ZNRF1: variants seen among roughly 807,000 people sequenced by gnomAD.
ZNRF1 encodes the protein E3 ubiquitin-protein ligase ZNRF1.
ZNRF1 carries 3 observed loss-of-function variants against 18.4 expected under a neutral mutation model. The ratio of observed to expected loss-of-function variants is 0.16; its 90% confidence interval spans 0.07 to 0.42. The LOEUF (loss-of-function observed/expected upper bound fraction) is 0.42, where lower values mean the gene tolerates loss of function less well. ZNRF1 is among the 10% of genes least tolerant of loss of function. The pLI, the probability that ZNRF1 is intolerant of heterozygous loss-of-function variation, is 0.99. For missense variants in ZNRF1, 310 were observed against 329.8 expected, an observed-to-expected ratio of 0.94 and a Z score of 0.47; for synonymous variants, 157 against 144.2, an observed-to-expected ratio of 1.09 and a Z score of -0.64.
chr16:75,019,191 T>G (rs909400958), intron 1 of ZNRF1, among the ~76,000 whole-genome samples: 6 of 150,458 alleles, frequency 4.0e-5, no homozygotes, highest in African/African-American at 1.5e-4. Flanking sequence ...TTAATATAGC[T>G]TTTTTTTTGG....
chr16:75,059,946 G>A (rs1190287684), intron 1 of ZNRF1, among the ~76,000 whole-genome samples: 1 of 152,102 alleles, frequency 6.6e-6, no homozygotes, highest in Non-Finnish European at 1.5e-5. Context: ...TTTATGACTA[G>A]ACCTCGTTTG....
intron 1 of ZNRF1, among the ~76,000 whole-genome samples, chr16:75,013,466 C>T (rs1485235825): frequency 6.6e-6 from 1 of 152,080 alleles, no homozygotes; most frequent in Admixed American, 6.5e-5. Flanking sequence ...TCTGCCTCAG[C>T]CTCCCGAGTA....
At chr16:75,028,929 A>G (rs2035261209) in intron 1 of ZNRF1, among the ~76,000 whole-genome samples, 1 of 152,026 alleles carries the variant, frequency 6.6e-6, no homozygotes, top group East Asian at 1.9e-4. Flanking sequence ...ATTCCTCTTT[A>G]TCTCTCTACC....
intron 1 of ZNRF1, among the ~76,000 whole-genome samples, chr16:75,030,144 G>T (rs1472978082): frequency 4.6e-5 from 7 of 151,426 alleles, no homozygotes; most frequent in African/African-American, 1.7e-4. Context: ...CAGTTGAATG[G>T]TTTTTAGTAT....
intron 1 of ZNRF1, among the ~76,000 whole-genome samples, chr16:75,042,482 G>T (rs2035462447): frequency 8.0e-6 from 1 of 124,234 alleles, no homozygotes; most frequent in Non-Finnish European, 1.6e-5. Flanking sequence ...CATATTTCTA[G>T]TTGTAGCAAC....
At chr16:75,045,342 T>A (rs1471721272) in intron 1 of ZNRF1, among the ~76,000 whole-genome samples, 3 of 151,966 alleles carry the variant, frequency 2.0e-5, no homozygotes, top group Non-Finnish European at 4.4e-5. Context: ...CTCTTGACCA[T>A]TTTTTTTCTA....
chr16:75,055,460 G>T (rs1337537433), intron 1 of ZNRF1, among the ~76,000 whole-genome samples: 1 of 152,182 alleles, frequency 6.6e-6, no homozygotes, highest in Non-Finnish European at 1.5e-5. Flanking sequence ...TGAAGAACTT[G>T]GTTCCAGCAC....
At chr16:75,088,140 T>G (rs2036095112) in intron 1 of ZNRF1, among the ~76,000 whole-genome samples, 1 of 152,232 alleles carries the variant, frequency 6.6e-6, no homozygotes, top group Non-Finnish European at 1.5e-5. Context: ...CCTGGATGTT[T>G]TAACCTTCAG....
chr16:75,025,319 C>T (rs1307610589), intron 1 of ZNRF1, among the ~76,000 whole-genome samples: 19 of 152,126 alleles, frequency 1.2e-4, no homozygotes, highest in Non-Finnish European at 2.4e-4. Flanking sequence ...CCGCCCATCT[C>T]GGCCTCCCAA....
chr16:75,107,473 C>G, intron 4 of ZNRF1: 1 of 315,866 alleles, frequency 3.2e-6, no homozygotes, highest in Non-Finnish European at 6.3e-6. Context: ...TGATGTCAGA[C>G]AAATCAGGGA....
chr16:75,098,708 C>T (rs2036225593), intron 2 of ZNRF1, among the ~76,000 whole-genome samples: 1 of 152,172 alleles, frequency 6.6e-6, no homozygotes, highest in Admixed American at 6.5e-5. Context: ...TAGGGGTTTC[C>T]CCTCTGACTC....
chr16:75,039,138 C>T (rs1218779113), intron 1 of ZNRF1, among the ~76,000 whole-genome samples: 2 of 152,128 alleles, frequency 1.3e-5, no homozygotes, highest in African/African-American at 4.8e-5. Flanking sequence ...CTAACAATTA[C>T]ATACCCCTGT....
At chr16:75,067,372 T>TGTTA (rs2145395668) in intron 1 of ZNRF1, among the ~76,000 whole-genome samples, 1 of 152,142 alleles carries the variant, frequency 6.6e-6, no homozygotes, top group African/African-American at 2.4e-5. Context: ...GATAGAGGAG[T>TGTTA]GTTAATATCA....
At chr16:75,046,104 A>G (rs1307906323) in intron 1 of ZNRF1, among the ~76,000 whole-genome samples, 4 of 151,204 alleles carry the variant, frequency 2.6e-5, no homozygotes, top group African/African-American at 4.9e-5. Context: ...GGGTTTCACC[A>G]TGTTAACCAG....
At chr16:75,073,189 C>G (rs1225056942) in intron 1 of ZNRF1, among the ~76,000 whole-genome samples, 1 of 149,902 alleles carries the variant, frequency 6.7e-6, no homozygotes, top group Non-Finnish European at 1.5e-5. Flanking sequence ...TATATATACA[C>G]ACATAGATAT....
chr16:75,083,728 A>G (rs1308990870), intron 1 of ZNRF1, among the ~76,000 whole-genome samples: 1 of 152,192 alleles, frequency 6.6e-6, no homozygotes, highest in Non-Finnish European at 1.5e-5. Flanking sequence ...CCTTGAGCCA[A>G]GCATGGGGGA....
intron 1 of ZNRF1, among the ~76,000 whole-genome samples, chr16:75,006,121 C>G (rs905490527): frequency 3.3e-5 from 5 of 152,186 alleles, no homozygotes; most frequent in African/African-American, 1.2e-4. Context: ...TTGACCCATG[C>G]ATGTAGGGTG....
At chr16:75,102,025 A>C (rs2036260182) in intron 2 of ZNRF1, among the ~76,000 whole-genome samples, 1 of 152,186 alleles carries the variant, frequency 6.6e-6, no homozygotes, top group Non-Finnish European at 1.5e-5. Context: ...AATGACCACA[A>C]GTTGTCCTGG....
chr16:75,058,859 G>T (rs2035701483), intron 1 of ZNRF1, among the ~76,000 whole-genome samples: 1 of 152,196 alleles, frequency 6.6e-6, no homozygotes, highest in African/African-American at 2.4e-5. Flanking sequence ...TGGGCTTTCT[G>T]TGTGCCTTAG....
Sources: allele counts gnomAD v4.1 joint callset (sites outside exome capture counted in the v4.1 genomes callset), GRCh38; gene constraint gnomAD v4.1.1; transcripts MANE v1.5; gene names NCBI Gene and HGNC (gene_info 2026-07-23, HGNC 2026-07-21).